The following NBEA variants were observed in gnomAD, a reference collection of about 807,000 sequenced individuals.
NBEA encodes neurobeachin, also known as lysosomal-trafficking regulator 2.
NBEA carries 44 observed loss-of-function variants against 343.4 expected under a neutral mutation model. The ratio of observed to expected loss-of-function variants is 0.13; its 90% CI spans 0.10 to 0.16. The LOEUF (loss-of-function observed/expected upper bound fraction) is 0.16. NBEA is among the 10% of genes least tolerant of loss of function. The probability of loss-of-function intolerance (pLI) is 1.00; values close to 1 mark genes in which losing one functional copy is unlikely to be tolerated. For synonymous variants in NBEA, 1,175 were observed against 1,238.7 expected, an observed-to-expected ratio of 0.95 and a Z score of 1.08; for missense variants, 2,555 against 3,631.3, an observed-to-expected ratio of 0.70 and a Z score of 7.62.
At chr13:35,290,121 T>G (rs975117748) in intron 34 of NBEA, among the ~76,000 whole-genome samples, 1 of 151,610 alleles carries the variant, frequency 6.6e-6, no homozygotes, top group African/African-American at 2.4e-5. Context: ...AACCAAAGCA[T>G]GAAGTCAGTT....
intron 35 of NBEA, among the ~76,000 whole-genome samples, chr13:35,305,436 T>A (rs993039484): frequency 6.6e-6 from 1 of 152,214 alleles, no homozygotes; most frequent in Non-Finnish European, 1.5e-5. Flanking sequence ...TCACAAGTTC[T>A]TTCCGTCTTA....
chr13:35,036,000 G>A (rs2062428801), intron 1 of NBEA, among the ~76,000 whole-genome samples: 1 of 151,840 alleles, frequency 6.6e-6, no homozygotes, highest in South Asian at 2.1e-4. Context: ...TGAGTTTAGT[G>A]TATTTACATT....
intron 1 of NBEA, among the ~76,000 whole-genome samples, chr13:35,030,632 A>G (rs1028005010): frequency 6.6e-6 from 1 of 151,680 alleles, no homozygotes; most frequent in Non-Finnish European, 1.5e-5. Context: ...TTAGTTGCTA[A>G]TAAGCAACTC....
intron 31 of NBEA, among the ~76,000 whole-genome samples, chr13:35,202,499 C>A (rs540525502): frequency 6.6e-6 from 1 of 152,246 alleles, no homozygotes; most frequent in East Asian, 1.9e-4. Flanking sequence ...TCTTTCTTAT[C>A]TTCAGTATCT....
chr13:35,046,281 A>C (rs1290703161), intron 4 of NBEA, among the ~76,000 whole-genome samples: 1 of 152,114 alleles, frequency 6.6e-6, no homozygotes, highest in Non-Finnish European at 1.5e-5. Flanking sequence ...ATGTTTTCTT[A>C]TCTTTCGATT....
In NBEA at chr13:35,656,416, G is replaced by A. The variant is rs536894824; in HGVS notation, c.8362+667G>A. Among the ~76,000 whole-genome samples the A allele has an allele frequency of 8.5e-5, 13 of 152,308 alleles. No individual in the cohort carries two copies. In the South Asian group the frequency reaches 2.5e-3, roughly 29 times the overall value. On this transcript the variant is annotated intron_variant, in intron 55 of 58. Transcript: ENST00000379939. Reference sequence around the variant, plus strand: ...CAAACTTTCTACATAAGCTCTGAAAGTCTTACACAAATAAATTTGTTGATG... The same window carrying A: ...CAAACTTTCTACATAAGCTCTGAAAATCTTACACAAATAAATTTGTTGATG...
Position 34,942,333 on chromosome 13 carries a change from T to A in NBEA, c.-488T>A, listed in dbSNP as rs972054701. 1 of 153,624 alleles carries A rather than the reference T, an allele frequency of 6.5e-6. No individual in the cohort carries two copies. The highest frequency in any genetic ancestry group is 1.5e-5 in the Non-Finnish European group (1 of 68,940). The allele number at this position is 153,624 out of a possible 1,614,324, so 9.5% of individuals were successfully genotyped here. On this transcript the variant is annotated 5_prime_UTR_variant, in exon 1 of 59. Coordinates refer to ENST00000379939, the MANE Select transcript of NBEA (RefSeq NM_001385012.1). ...CGGAGTGAGCGGCGGCGTCGGGGCT[T>A]CACAACAACAGTGGTGGCCGTAGCA...
chr13:35,533,822 A>T (rs2078392683), intron 41 of NBEA, among the ~76,000 whole-genome samples: 1 of 152,188 alleles, frequency 6.6e-6, no homozygotes, highest in South Asian at 2.1e-4. Flanking sequence ...TTCATTGAGT[A>T]CTTGCTGTGT....
At chr13:35,132,189 A>G (rs1026439876) in intron 17 of NBEA, among the ~76,000 whole-genome samples, 1 of 151,966 alleles carries the variant, frequency 6.6e-6, no homozygotes, top group Non-Finnish European at 1.5e-5. Context: ...ATGGAGTCTC[A>G]CTCTATTACC....
chr13:35,481,261 G>A (rs1455947102), intron 41 of NBEA, among the ~76,000 whole-genome samples: 1 of 151,794 alleles, frequency 6.6e-6, no homozygotes, highest in Non-Finnish European at 1.5e-5. Context: ...ATGGAAGTTG[G>A]GAGTATACTT....
intron 34 of NBEA, among the ~76,000 whole-genome samples, chr13:35,254,311 T>G (rs1404898524): frequency 6.7e-6 from 1 of 149,186 alleles, no homozygotes; most frequent in Non-Finnish European, 1.5e-5. Flanking sequence ...GTTTCTAACA[T>G]TTTTATTTTT....
At chr13:35,286,659 C>T (rs1308778927) in intron 34 of NBEA, among the ~76,000 whole-genome samples, 1 of 151,994 alleles carries the variant, frequency 6.6e-6, no homozygotes, top group African/African-American at 2.4e-5. Context: ...ATCATTGTAC[C>T]TTTTAGTAGT....
chr13:35,031,943 C>T (rs1276835084), intron 1 of NBEA, among the ~76,000 whole-genome samples: 2 of 151,636 alleles, frequency 1.3e-5, no homozygotes, highest in Non-Finnish European at 3.0e-5. Context: ...GATAATTAGC[C>T]TCCAGCTCCA....
At chr13:35,016,251 G>A (rs2061652830) in intron 1 of NBEA, among the ~76,000 whole-genome samples, 1 of 151,676 alleles carries the variant, frequency 6.6e-6, no homozygotes, top group African/African-American at 2.4e-5. Flanking sequence ...GTAGATATAT[G>A]TATACATAGT....
intron 38 of NBEA, among the ~76,000 whole-genome samples, chr13:35,374,619 TG>T (rs2041638366): frequency 6.6e-6 from 1 of 152,184 alleles, no homozygotes; most frequent in Non-Finnish European, 1.5e-5. Context: ...TGCAGTTTTA[TG>T]AAATTTGTAT....
intron 41 of NBEA, among the ~76,000 whole-genome samples, chr13:35,527,779 G>A (rs1045412382): frequency 2.0e-5 from 3 of 152,168 alleles, no homozygotes; most frequent in Admixed American, 6.5e-5. Flanking sequence ...ACAGCTGGGC[G>A]GCTGTAGCTC....
intron 16 of NBEA, among the ~76,000 whole-genome samples, chr13:35,119,978 C>G (rs1323428701): frequency 6.6e-6 from 1 of 152,146 alleles, no homozygotes. Flanking sequence ...ATAGCTCAAT[C>G]TAATAATGTA....
At position 35,155,825 on chromosome 13, in the gene NBEA, C is replaced by T. The variant is rs771337651; in HGVS notation, c.2497C>T (p.Pro833Ser). Residue 833 changes from proline (P) to serine (S), a missense_variant, in exon 19 of 59, where the codon CCA becomes TCA. Coordinates refer to ENST00000379939, the MANE Select transcript of NBEA (RefSeq NM_001385012.1). ...TQVVHKPHPE[P>S]DSTVKIQNPM... ...GGTCGTACACAAACCACATCCAGAG[C>T]CAGATTCTACAGTGAAAATTCAGAA... 1 of 1,612,368 alleles carries T rather than the reference C, an allele frequency of 6.2e-7. No homozygotes were observed.
At chr13:35,501,836 G>C (rs2076899562) in intron 41 of NBEA, among the ~76,000 whole-genome samples, 1 of 152,080 alleles carries the variant, frequency 6.6e-6, no homozygotes, top group African/African-American at 2.4e-5. Context: ...AATATGACGG[G>C]GGCGGGGAAC....
Sources: allele counts gnomAD v4.1 joint callset (sites outside exome capture counted in the v4.1 genomes callset), GRCh38; gene constraint gnomAD v4.1.1; transcripts MANE v1.5; gene names NCBI Gene and HGNC (gene_info 2026-07-23, HGNC 2026-07-21).